The following HACE1 variants were observed in gnomAD, a reference collection of about 807,000 sequenced individuals.
HACE1 encodes E3 ubiquitin-protein ligase HACE1.
Under a neutral mutation model 118.4 loss-of-function variants are expected in HACE1, and 73 were observed. The ratio of observed to expected loss-of-function variants is 0.62; its 90% confidence interval spans 0.51 to 0.75. The LOEUF is 0.75. Among genes scored for constraint, HACE1 ranks in the 30% least tolerant of loss-of-function variants. HACE1 has a pLI of 0.00. For synonymous variants in HACE1, 368 were observed against 374.8 expected, an observed-to-expected ratio of 0.98 and a Z score of 0.21; for missense variants, 749 against 1,102.2, an observed-to-expected ratio of 0.68 and a Z score of 4.54.
chr6:104,784,909 T>C (rs1782172141), intron 12 of HACE1, 76 bp downstream of exon 12: 3 of 951,692 alleles, frequency 3.2e-6, no homozygotes, highest in Non-Finnish European at 5.0e-6. Flanking sequence ...ATTTGTTGTT[T>C]TTGAAATTAC....
At chr6:104,771,555 T>C (rs952541074) in intron 18 of HACE1, among the ~76,000 whole-genome samples, 166 bp from the exon 19 acceptor site, 1 of 152,170 alleles carries the variant, frequency 6.6e-6, no homozygotes, top group Admixed American at 6.5e-5. Context: ...GTCTGTTAAA[T>C]TAATTCTGTG....
chr6:104,729,346 T>C lies in HACE1; in HGVS notation c.*316A>G, dbSNP rs1774962112. 1 of 316,684 alleles carries C rather than the reference T, an allele frequency of 3.2e-6. No individual in the cohort carries two copies. The highest frequency in any genetic ancestry group is 2.2e-5 in the African/African-American group (1 of 45,640). 19.6% of individuals were successfully genotyped at this position (316,684 alleles called of 1,614,324 possible). ...TAACAAGACAGTTACATAGCAGAGG[T>C]GGAATGTAGAATCAGATTTTGCCTT... On this transcript the variant is annotated 3_prime_UTR_variant, in exon 24 of 24. Coordinates refer to ENST00000262903, the MANE Select transcript of HACE1 (RefSeq NM_020771.4).
At chr6:104,782,607 CAA>C (rs1213135098) in intron 14 of HACE1, among the ~76,000 whole-genome samples, 2 of 151,290 alleles carry the variant, frequency 1.3e-5, no homozygotes, top group African/African-American at 2.4e-5. Flanking sequence ...CTTCAGCTTA[CAA>C]AAAAAAGAGT....
rs1004263450 is a variant in HACE1, at chr6:104,806,702, T to C, written c.617+4609A>G. On this transcript the variant is annotated intron_variant, in intron 7 of 23. Coordinates refer to ENST00000262903, the MANE Select transcript of HACE1 (RefSeq NM_020771.4). ...TTTATAAATGAAGTTGTTTTTGAGATAGTCTCAATTTTTTAATATTGATTG... is the reference window on the plus strand; with the variant it reads ...TTTATAAATGAAGTTGTTTTTGAGACAGTCTCAATTTTTTAATATTGATTG... Among the ~76,000 whole-genome samples the C allele has an allele frequency of 7.2e-5, 11 of 152,196 alleles. 1 individual carries two copies. The highest frequency in any genetic ancestry group is 6.5e-4 in the Admixed American group (10 of 15,280).
At position 104,776,797 on chromosome 6, in the gene HACE1, A is replaced by G. The variant is rs146393808; in HGVS notation, c.1808T>C (p.Ile603Thr). ...AGGATTGACTATCTCATTGGACAGAATATCAAACCACTCACGCACAACACC... is the reference window on the plus strand; with the variant it reads ...AGGATTGACTATCTCATTGGACAGAGTATCAAACCACTCACGCACAACACC... ...GQGVVREWFD[I>T]LSNEIVNPDY... The change falls in exon 17 of 24, where the codon ATT (isoleucine) becomes ACT (threonine). Residue 603 changes from isoleucine to threonine, a missense_variant. By Grantham distance (89) the Ile-to-Thr change is moderately conservative. Around this residue, in one of 5 missense-constraint regions of HACE1, gnomAD observed 195 missense variants for 322.1 expected, o/e 0.61. Transcript: ENST00000262903. 5.7e-5 allele frequency: 92 copies of G among 1,609,994 alleles called. 1 individual carries two copies. The South Asian group carries it at 6.7e-4, about 12-fold the overall frequency.
chr6:104,823,339 C>G (rs1772982193), intron 6 of HACE1, among the ~76,000 whole-genome samples: 1 of 151,558 alleles, frequency 6.6e-6, no homozygotes, highest in Non-Finnish European at 1.5e-5. Flanking sequence ...GAGGCTGACG[C>G]AGGAGAATCG....
intron 3 of HACE1, among the ~76,000 whole-genome samples, chr6:104,850,260 A>G (rs1237691863): frequency 1.3e-5 from 2 of 152,056 alleles, no homozygotes; most frequent in Non-Finnish European, 2.9e-5. Flanking sequence ...TTTTAAACAC[A>G]TTATTTTTAC....
chr6:104,850,468 A>C (rs892189156), intron 3 of HACE1, among the ~76,000 whole-genome samples: 1 of 152,206 alleles, frequency 6.6e-6, no homozygotes. Context: ...CTAAATCCTG[A>C]AAAGAGGATA....
chr6:104,812,830 G>C lies in HACE1; in HGVS notation c.535-1437C>G, dbSNP rs11967498. Among the ~76,000 whole-genome samples, 249 of 152,294 alleles carry C rather than the reference G, an allele frequency of 1.6e-3. 1 individual carries two copies. Among genetic ancestry groups the C allele is most frequent in the African/African-American group, 5.7e-3 (236 of 41,568 alleles). On this transcript the variant is annotated intron_variant, in intron 6 of 23. Coordinates refer to ENST00000262903, the MANE Select transcript of HACE1 (RefSeq NM_020771.4). ...GAATGGTTATGTAGAGCTAAAAATA[G>C]GAGGAATAGTTGAAAGTCAATAGAA...
chr6:104,744,263 TTC>T (rs1436535832), intron 21 of HACE1, 33 bp from the exon 22 acceptor site: 1 of 1,312,478 alleles, frequency 7.6e-7, no homozygotes, highest in East Asian at 2.3e-5. Flanking sequence ...TAGCTCATAT[TTC>T]AGAGCAATTG....
At chr6:104,771,121 A>C in intron 19 of HACE1, 72 bp downstream of exon 19, 1 of 1,078,206 alleles carries the variant, frequency 9.3e-7, no homozygotes, top group Non-Finnish European at 1.4e-6. Context: ...GTGCCAGAAG[A>C]ATTTAGAGTA....
intron 22 of HACE1, among the ~76,000 whole-genome samples, chr6:104,737,600 C>T (rs1024179295): frequency 2.6e-5 from 4 of 152,146 alleles, no homozygotes; most frequent in African/African-American, 7.2e-5. Context: ...CACTCCCACC[C>T]GAATACTGCG....
chr6:104,796,458 T>C (rs1011539956), intron 9 of HACE1, among the ~76,000 whole-genome samples, 197 bp downstream of exon 9: 5 of 152,152 alleles, frequency 3.3e-5, no homozygotes, highest in African/African-American at 1.2e-4. Flanking sequence ...GGCAGAAGAT[T>C]TATATGGCCA....
chr6:104,742,186 T>C (rs1380134296), intron 22 of HACE1, among the ~76,000 whole-genome samples: 2 of 132,452 alleles, frequency 1.5e-5, no homozygotes, highest in East Asian at 2.1e-4. Context: ...ACTTAAACGT[T>C]AGACCTAAAA....
At chr6:104,855,751 AT>A (rs1443847887) in intron 1 of HACE1, among the ~76,000 whole-genome samples, 1 of 152,128 alleles carries the variant, frequency 6.6e-6, no homozygotes, top group Non-Finnish European at 1.5e-5. Context: ...CTTCTAAACC[AT>A]GAGAATTTCC....
intron 5 of HACE1, 89 bp downstream of exon 5, chr6:104,843,134 A>G (rs1165361672): frequency 1.3e-6 from 1 of 788,058 alleles, no homozygotes; most frequent in South Asian, 1.4e-5. Flanking sequence ...TTGCAGAAAC[A>G]CTTGTACTAC....
intron 6 of HACE1, among the ~76,000 whole-genome samples, chr6:104,818,979 A>C (rs1772404632): frequency 6.6e-6 from 1 of 152,198 alleles, no homozygotes; most frequent in African/African-American, 2.4e-5. Flanking sequence ...AAACCAACAT[A>C]AGACAAGGAT....
intron 11 of HACE1, chr6:104,785,875 T>G (rs1475373101): frequency 1.3e-5 from 2 of 153,038 alleles, no homozygotes; most frequent in African/African-American, 4.8e-5. Context: ...GCTTTTTTAC[T>G]GTGCTCCTTT....
rs1314900996 is a variant in HACE1 at position 104,764,941 on chromosome 6, G to A, written c.2211+6252C>T. Reference sequence around the variant, plus strand: ...TGTGTCTTTACTCACTGTGTTCCAAGCACTGGCAACAGCATACACAACATC... The same window carrying A: ...TGTGTCTTTACTCACTGTGTTCCAAACACTGGCAACAGCATACACAACATC... On this transcript the variant is annotated intron_variant, in intron 19 of 23. Coordinates refer to ENST00000262903, the MANE Select transcript of HACE1 (RefSeq NM_020771.4). 2.6e-5 allele frequency among the ~76,000 whole-genome samples: 4 copies of A among 152,266 alleles called. No homozygotes were observed. In the East Asian group the frequency reaches 7.7e-4, roughly 29 times the overall value.
Sources: gnomAD v4.1 joint callset for allele counts (sites outside exome capture counted in the v4.1 genomes callset) on GRCh38, gnomAD v4.1.1 for gene constraint, gnomAD v4.1.1 regional missense constraint, MANE v1.5 for transcripts, NCBI Gene and HGNC (gene_info 2026-07-23, HGNC 2026-07-21) for gene names.